Variants in NTN4 observed in about 807,000 individuals in gnomAD.
NTN4 encodes the protein netrin-4.
NTN4 carries 32 observed loss-of-function variants against 73.6 expected under a neutral mutation model. That is an observed-to-expected ratio of 0.44 (90% CI 0.33 to 0.58). NTN4 has a LOEUF of 0.58. NTN4 is among the 20% of genes least tolerant of loss of function. The pLI is 0.04. For synonymous variants in NTN4, 258 were observed against 287.5 expected (o/e 0.90, Z 1.04); for missense variants, 654 against 798.3 (o/e 0.82, Z 2.18).
intron 8 of NTN4, among the ~76,000 whole-genome samples, 166 bp downstream of exon 8, chr12:95,669,912 A>T (rs779293946): frequency 4.6e-5 from 7 of 152,188 alleles, no homozygotes; most frequent in Non-Finnish European, 8.8e-5. Context: ...ACATCAGGAA[A>T]ATCTAGCTCA....
At chr12:95,741,297 G>A (rs960404044) in intron 2 of NTN4, among the ~76,000 whole-genome samples, 5 of 143,822 alleles carry the variant, frequency 3.5e-5, no homozygotes, top group Admixed American at 1.4e-4. Context: ...ATTTATAAAT[G>A]AATTATATAT....
At chr12:95,784,869 T>C (rs1357250150) in intron 2 of NTN4, among the ~76,000 whole-genome samples, 1 of 152,212 alleles carries the variant, frequency 6.6e-6, no homozygotes, top group Non-Finnish European at 1.5e-5. Flanking sequence ...AATGTTAGTC[T>C]CTATCTGCTT....
chr12:95,685,110 C>T (rs934335699), intron 5 of NTN4, among the ~76,000 whole-genome samples: 8 of 152,126 alleles, frequency 5.3e-5, no homozygotes, highest in Non-Finnish European at 7.3e-5. Context: ...AAGCGATCTG[C>T]CCACCTCGAC....
At chr12:95,759,492 T>TG (rs1041674911) in intron 2 of NTN4, among the ~76,000 whole-genome samples, 3 of 73,654 alleles carry the variant, frequency 4.1e-5, no homozygotes, top group African/African-American at 3.2e-4. Context: ...AGTATTTTTG[T>TG]TTTTTTTTTT....
chr12:95,761,340 T>TTTTTTTC (rs1555220936), intron 2 of NTN4, among the ~76,000 whole-genome samples: 9 of 146,292 alleles, frequency 6.2e-5, no homozygotes, highest in African/African-American at 1.2e-4. Flanking sequence ...TTTTTTTTTT[T>TTTTTTTC]CCCCAAGACG....
chr12:95,753,123 C>T (rs1384035304), intron 2 of NTN4, among the ~76,000 whole-genome samples: 1 of 152,128 alleles, frequency 6.6e-6, no homozygotes, highest in East Asian at 1.9e-4. Flanking sequence ...TGTTCCTCAC[C>T]CTGATAACGC....
intron 3 of NTN4, among the ~76,000 whole-genome samples, chr12:95,734,147 G>C (rs1486751752): frequency 6.6e-6 from 1 of 150,698 alleles, no homozygotes; most frequent in Non-Finnish European, 1.5e-5. Context: ...TATTCTTTTC[G>C]ATAGTTTAAG....
chr12:95,690,380 C>G (rs757782425), intron 5 of NTN4, among the ~76,000 whole-genome samples: 1 of 152,146 alleles, frequency 6.6e-6, no homozygotes, highest in African/African-American at 2.4e-5. Context: ...AAGAATTATT[C>G]CAAGATTTTA....
At chr12:95,694,672 T>A (rs7301446) in intron 5 of NTN4, among the ~76,000 whole-genome samples, 1 of 151,876 alleles carries the variant, frequency 6.6e-6, no homozygotes, top group African/African-American at 2.4e-5. Context: ...TGAAAAGCTA[T>A]AAAAAAATAA....
At chr12:95,696,237 T>C (rs1331685672) in intron 5 of NTN4, among the ~76,000 whole-genome samples, 1 of 152,134 alleles carries the variant, frequency 6.6e-6, no homozygotes, top group Non-Finnish European at 1.5e-5. Context: ...ACACTTATTA[T>C]AGCTTTTAAT....
At chr12:95,733,555 A>C (rs1404531027) in intron 3 of NTN4, among the ~76,000 whole-genome samples, 1 of 152,186 alleles carries the variant, frequency 6.6e-6, no homozygotes, top group Non-Finnish European at 1.5e-5. Flanking sequence ...TATTATCCTC[A>C]TTTTATTAGA....
intron 3 of NTN4, among the ~76,000 whole-genome samples, chr12:95,718,173 A>T (rs74800941): frequency 0.057 from 8,653 of 152,272 alleles, 807 homozygotes; most frequent in African/African-American, 0.2. Context: ...ATTTCCTCAT[A>T]TTTGAGGCAA....
At chr12:95,771,511 T>C (rs548016432) in intron 2 of NTN4, among the ~76,000 whole-genome samples, 1 of 152,272 alleles carries the variant, frequency 6.6e-6, no homozygotes, top group African/African-American at 2.4e-5. Flanking sequence ...TTAAATGGGA[T>C]TGTCAAAGTA....
intron 2 of NTN4, among the ~76,000 whole-genome samples, chr12:95,783,604 G>A (rs2079147538): frequency 6.6e-6 from 1 of 152,174 alleles, no homozygotes. Context: ...TAGAGGGAGA[G>A]AACTTGATTT....
At position 95,682,678 on chromosome 12, in the gene NTN4, A is replaced by T. The variant is rs374058821; in HGVS notation, c.1510+29T>A. 4.9e-5 allele frequency: 73 copies of T among 1,497,178 alleles called. No individual in the cohort carries two copies. In the African/African-American group the frequency reaches 8.5e-4, roughly 18 times the overall value. 92.7% of individuals were successfully genotyped at this position (1,497,178 alleles called of 1,614,324 possible). A position where few individuals can be genotyped will look rare whatever the true frequency, so the allele number is the denominator to read the frequency against. ...ACTGTTACATAAGACCAGACCTGAA[A>T]ATATGATGCCTGGTTACATCCATCT... On this transcript the variant is annotated intron_variant, in intron 7 of 9. Coordinates refer to ENST00000343702, the MANE Select transcript of NTN4 (RefSeq NM_021229.4).
intron 2 of NTN4, among the ~76,000 whole-genome samples, chr12:95,769,792 T>C (rs1473035601): frequency 6.7e-6 from 1 of 148,438 alleles, no homozygotes; most frequent in Non-Finnish European, 1.5e-5. Context: ...GTTTCACTCT[T>C]GTCACCCAGG....
At chr12:95,659,698 T>C (rs1345804343) in intron 9 of NTN4, among the ~76,000 whole-genome samples, 1 of 152,238 alleles carries the variant, frequency 6.6e-6, no homozygotes, top group Non-Finnish European at 1.5e-5. Context: ...ATGTATGCTT[T>C]ACATGTATGA....
chr12:95,724,393 A>C (rs543938841), intron 3 of NTN4, among the ~76,000 whole-genome samples: 57 of 152,334 alleles, frequency 3.7e-4, no homozygotes, highest in African/African-American at 1.2e-3. Flanking sequence ...GCCTTTTAAA[A>C]ATGATTTCTG....
At chr12:95,729,102 C>G (rs1382515870) in intron 3 of NTN4, among the ~76,000 whole-genome samples, 1 of 152,102 alleles carries the variant, frequency 6.6e-6, no homozygotes, top group Non-Finnish European at 1.5e-5. Context: ...TCAGGTATTT[C>G]TTTACAGCAG....
Sources: gnomAD v4.1 joint callset for allele counts (sites outside exome capture counted in the v4.1 genomes callset) on GRCh38, gnomAD v4.1.1 for gene constraint, MANE v1.5 for transcripts, NCBI Gene and HGNC (gene_info 2026-07-23, HGNC 2026-07-21) for gene names.